CALCR: variants seen among roughly 807,000 people sequenced by gnomAD.
The protein encoded by CALCR is calcitonin receptor.
Under a neutral mutation model 59.5 loss-of-function variants are expected in CALCR, and 47 were observed. The observed-to-expected ratio is 0.79, with a 90% CI of 0.63 to 1.01. CALCR has a LOEUF of 1.01. CALCR is among the 50% of genes least tolerant of loss of function. The pLI is 0.00. For synonymous variants in CALCR, 213 were observed against 211.3 expected, an observed-to-expected ratio of 1.01 and a Z score of -0.07; for missense variants, 566 against 597.1, an observed-to-expected ratio of 0.95 and a Z score of 0.54.
chr7:93,503,512 G>C (rs1190974996), intron 2 of CALCR, among the ~76,000 whole-genome samples: 3 of 151,948 alleles, frequency 2.0e-5, no homozygotes, highest in Non-Finnish European at 4.4e-5. Context: ...CCAGATGGTG[G>C]GATTGAAAGT....
chr7:93,563,806 T>G (rs1218579730), intron 2 of CALCR, among the ~76,000 whole-genome samples: 3 of 152,210 alleles, frequency 2.0e-5, no homozygotes. Context: ...GAGCTAGACC[T>G]CCTTGGTTCA....
At chr7:93,440,871 TAC>T (rs1584538237) in intron 9 of CALCR, among the ~76,000 whole-genome samples, 1 of 152,262 alleles carries the variant, frequency 6.6e-6, no homozygotes, top group African/African-American at 2.4e-5. Flanking sequence ...GTTCTGTGCT[TAC>T]GTTACTAAGT....
intron 11 of CALCR, 53 bp from the exon 12 acceptor site, chr7:93,436,223 A>T: frequency 2.9e-6 from 4 of 1,392,988 alleles, no homozygotes; most frequent in Non-Finnish European, 4.1e-6. Flanking sequence ...TCACTTAAGA[A>T]TATGCACTGT....
Position 93,426,606 on chromosome 7 carries a change from A to C in CALCR, c.1192-17T>G, listed in dbSNP as rs1306366814. The C allele has an allele frequency of 7.3e-7, 1 of 1,372,050 alleles. No homozygotes were observed. The highest frequency in any genetic ancestry group is 1.0e-6 in the Non-Finnish European group (1 of 976,974). 85.0% of individuals were successfully genotyped at this position (1,372,050 alleles called of 1,614,324 possible). ...GGTTTGGACCTGGAAGAGAAAAAGGAGCCTTGTTTTTATATGATAGTCAGA... is the reference window on the plus strand; with the variant it reads ...GGTTTGGACCTGGAAGAGAAAAAGGCGCCTTGTTTTTATATGATAGTCAGA... On this transcript the variant is annotated splice_polypyrimidine_tract_variant and intron_variant, in intron 13 of 13. Coordinates refer to ENST00000426151, the MANE Select transcript of CALCR (RefSeq NM_001742.4).
At chr7:93,543,030 C>T (rs1464360841) in intron 2 of CALCR, among the ~76,000 whole-genome samples, 1 of 151,912 alleles carries the variant, frequency 6.6e-6, no homozygotes, top group Non-Finnish European at 1.5e-5. Context: ...TATAGTAATA[C>T]ATAAACCAGT....
chr7:93,469,051 T>C (rs1367153520), intron 6 of CALCR, among the ~76,000 whole-genome samples: 1 of 151,886 alleles, frequency 6.6e-6, no homozygotes, highest in Admixed American at 6.6e-5. Flanking sequence ...TTCAAAAATA[T>C]ATTTCAGAAG....
intron 2 of CALCR, among the ~76,000 whole-genome samples, chr7:93,508,593 TC>T (rs1209195565): frequency 2.6e-5 from 4 of 152,102 alleles, no homozygotes; most frequent in Non-Finnish European, 5.9e-5. Context: ...ATGGGTAGGG[TC>T]ATTGAATTAT....
intron 2 of CALCR, among the ~76,000 whole-genome samples, chr7:93,493,136 T>A (rs1298604066): frequency 6.6e-6 from 1 of 151,376 alleles, no homozygotes; most frequent in Non-Finnish European, 1.5e-5. Context: ...ATAAGAATTA[T>A]TTTTTAGATA....
chr7:93,453,478 G>A (rs1305946316), intron 8 of CALCR, among the ~76,000 whole-genome samples: 1 of 152,002 alleles, frequency 6.6e-6, no homozygotes, highest in African/African-American at 2.4e-5. Flanking sequence ...ATCAAATCGA[G>A]TGTCACTTCA....
In CALCR at chr7:93,426,493, C is replaced by CT; in HGVS notation, c.1287dup (p.Ala430SerfsTer21). The CT allele has an allele frequency of 6.2e-7, 1 of 1,613,834 alleles. No individual in the cohort carries two copies. The highest frequency in any genetic ancestry group is 8.5e-7 in the Non-Finnish European group (1 of 1,179,770). On this transcript the variant is annotated frameshift_variant, in exon 14 of 14. Coordinates refer to ENST00000426151, the MANE Select transcript of CALCR (RefSeq NM_001742.4). LOFTEE classifies it high-confidence loss of function. Reference sequence around the variant, plus strand: ...ATGTCGCCAGCCTCCGCAGCAGCGGCTGCAGCGCGAGCAGAGCGGTTGGAG... The same window carrying CT: ...ATGTCGCCAGCCTCCGCAGCAGCGGCTTGCAGCGCGAGCAGAGCGGTTGGAG...
intron 2 of CALCR, among the ~76,000 whole-genome samples, chr7:93,497,522 T>C (rs938287172): frequency 2.0e-5 from 3 of 151,556 alleles, no homozygotes; most frequent in Non-Finnish European, 3.0e-5. Flanking sequence ...ATTAGGTTAG[T>C]TTCCAGTCAT....
chr7:93,534,328 C>T (rs1208670117), intron 2 of CALCR, among the ~76,000 whole-genome samples: 4 of 151,722 alleles, frequency 2.6e-5, no homozygotes, highest in African/African-American at 9.7e-5. Context: ...CAAAATCACA[C>T]AGAAAGTAAA....
At chr7:93,460,232 A>G (rs1366521127) in intron 8 of CALCR, among the ~76,000 whole-genome samples, 1 of 151,982 alleles carries the variant, frequency 6.6e-6, no homozygotes, top group African/African-American at 2.4e-5. Context: ...TTTGTCATAA[A>G]TGTTAATAAA....
At chr7:93,536,183 T>C (rs544175903) in intron 2 of CALCR, among the ~76,000 whole-genome samples, 90 of 151,892 alleles carry the variant, frequency 5.9e-4, no homozygotes, top group Middle Eastern at 3.4e-3. Flanking sequence ...TGTAAGAGCA[T>C]TTTTAAAGTG....
At position 93,574,338 on chromosome 7, in the gene CALCR, G is replaced by A. The variant is rs910078146; in HGVS notation, c.-76C>T. On this transcript the variant is annotated 5_prime_UTR_variant, in exon 2 of 14. Coordinates refer to ENST00000426151, the MANE Select transcript of CALCR (RefSeq NM_001742.4). ...GGGCACAGCTCAATAGAAGCAAAGG[G>A]TGTTCGCAGGTGTGGCTCCAGGGAC... The A allele has an allele frequency of 6.6e-6, 1 of 152,266 alleles. No individual in the cohort carries two copies. The highest frequency in any genetic ancestry group is 1.5e-5 in the Non-Finnish European group (1 of 68,118). 9.4% of individuals were successfully genotyped at this position (152,266 alleles called of 1,614,324 possible).
intron 2 of CALCR, among the ~76,000 whole-genome samples, chr7:93,514,787 G>A (rs577775029): frequency 2.6e-5 from 4 of 151,944 alleles, no homozygotes; most frequent in East Asian, 1.9e-4. Context: ...ACCAATTGAC[G>A]AATAGATAAT....
chr7:93,507,231 A>AACACAC (rs34181575), intron 2 of CALCR, among the ~76,000 whole-genome samples: 13 of 149,838 alleles, frequency 8.7e-5, no homozygotes, highest in Admixed American at 1.3e-4. Context: ...TTCCTTGTTG[A>AACACAC]ACACACACAC....
intron 2 of CALCR, among the ~76,000 whole-genome samples, chr7:93,511,235 T>C (rs1216539075): frequency 6.6e-6 from 1 of 151,760 alleles, no homozygotes. Flanking sequence ...TACTTCTGAG[T>C]GGGAAGGAAT....
At chr7:93,439,717 T>A (rs1028365712) in intron 9 of CALCR, among the ~76,000 whole-genome samples, 1 of 152,242 alleles carries the variant, frequency 6.6e-6, no homozygotes, top group African/African-American at 2.4e-5. Context: ...ATTCATTTTT[T>A]AAGAGGGATT....
Sources: allele counts gnomAD v4.1 joint callset (sites outside exome capture counted in the v4.1 genomes callset), GRCh38; gene constraint gnomAD v4.1.1; transcripts MANE v1.5; gene names NCBI Gene and HGNC (gene_info 2026-07-23, HGNC 2026-07-21).